The following YLPM1 variants were observed in gnomAD, a reference collection of about 807,000 sequenced individuals.
YLPM1 encodes YLP motif-containing protein 1.
A neutral mutation model predicts 230.0 loss-of-function variants in YLPM1; 99 were observed. That is an observed-to-expected ratio of 0.43 (90% CI 0.37 to 0.51). YLPM1 has a LOEUF of 0.51. YLPM1 is among the 20% of genes least tolerant of loss of function. The pLI, the probability that YLPM1 is intolerant of heterozygous loss-of-function variation, is 0.00. For synonymous variants in YLPM1, 984 were observed against 942.5 expected (o/e 1.04, Z -0.81); for missense variants, 2,592 against 2,707.7 (o/e 0.96, Z 0.95).
intron 6 of YLPM1, among the ~76,000 whole-genome samples, chr14:74,804,101 G>T (rs2091354553): frequency 6.6e-6 from 1 of 152,186 alleles, no homozygotes; most frequent in African/African-American, 2.4e-5. Flanking sequence ...AGGTTGCGGT[G>T]AGCCGACATC....
At position 74,799,402 on chromosome 14, in the gene YLPM1, G is replaced by C; in HGVS notation, c.4105G>C (p.Gly1369Arg). 6.2e-7 allele frequency: 1 copy of C among 1,614,026 alleles called. No individual in the cohort carries two copies. Among genetic ancestry groups the C allele is most frequent in the Non-Finnish European group, 8.5e-7 (1 of 1,179,902 alleles). The change falls in exon 5 of 21, where the codon GGT (glycine) becomes CGT (arginine). Residue 1369 changes from glycine to arginine, a missense_variant. By Grantham distance (125) the Gly-to-Arg change is moderately radical. Coordinates refer to ENST00000325680, the MANE Select transcript of YLPM1 (RefSeq NM_019589.3). ...GTATGATCGAGATTTCCGTGATAGGGGTGAGTTGAGGATTCGAGAGTATCC... is the reference window on the plus strand; with the variant it reads ...GTATGATCGAGATTTCCGTGATAGGCGTGAGTTGAGGATTCGAGAGTATCC... ...HGYDRDFRDR[G>R]ELRIREYPER...
intron 11 of YLPM1, among the ~76,000 whole-genome samples, chr14:74,815,922 A>AT (rs200669278): frequency 1.4e-3 from 216 of 149,312 alleles, no homozygotes; most frequent in South Asian, 3.6e-3. Flanking sequence ...GTTCCTCTTC[A>AT]TTTTTTCTTT....
At chr14:74,797,513 T>C in intron 4 of YLPM1, 67 bp from the exon 5 acceptor site, 1 of 1,339,680 alleles carries the variant, frequency 7.5e-7, no homozygotes, top group South Asian at 1.8e-5. Flanking sequence ...GCCTTAAATA[T>C]TCTTACATGG....
chr14:74,829,252 G>T lies in YLPM1; in HGVS notation c.6203G>T (p.Arg2068Leu), dbSNP rs375328224. The change falls in exon 19 of 21, where the codon CGT becomes CTT. Residue 2068 changes from arginine (R) to leucine (L), a missense_variant. Transcript: ENST00000325680. Reference protein sequence around the residue: ...DGLRTGTKRKRDWEAIASRME... With the variant: ...DGLRTGTKRKLDWEAIASRME... ...TTGAGGACTGGTACTAAAAGGAAAC[G>T]TGACTGGGAGGCCATTGCCAGCAGA... 1.2e-6 allele frequency: 2 copies of T among 1,613,100 alleles called. No homozygotes were observed. Among genetic ancestry groups the T allele is most frequent in the Admixed American group, 1.7e-5 (1 of 59,948 alleles).
chr14:74,786,424 C>G (rs1257348751), intron 4 of YLPM1, among the ~76,000 whole-genome samples: 1 of 147,068 alleles, frequency 6.8e-6, no homozygotes, highest in Non-Finnish European at 1.5e-5. Flanking sequence ...ATAGGAATTA[C>G]TGGTGCCCAA....
chr14:74,816,099 G>A (rs2091475619), intron 11 of YLPM1, 104 bp from the exon 12 acceptor site: 5 of 1,016,946 alleles, frequency 4.9e-6, no homozygotes, highest in East Asian at 5.2e-5. Flanking sequence ...ATGGCCTGTT[G>A]TATAGTCTAT....
chr14:74,800,392 G>T (rs1445437454), intron 5 of YLPM1, among the ~76,000 whole-genome samples: 1 of 152,066 alleles, frequency 6.6e-6, no homozygotes, highest in East Asian at 1.9e-4. Context: ...AACATTTATT[G>T]CATGCTTACT....
chr14:74,773,253 G>A (rs972997412), intron 1 of YLPM1, among the ~76,000 whole-genome samples: 3 of 151,658 alleles, frequency 2.0e-5, no homozygotes, highest in Non-Finnish European at 4.4e-5. Flanking sequence ...GCGCCACTGC[G>A]CTCCAGCCTG....
In YLPM1 at chr14:74,798,253, G is replaced by A; in HGVS notation, c.2956G>A (p.Gly986Ser). The A allele has an allele frequency of 1.2e-6, 2 of 1,613,916 alleles. No individual in the cohort carries two copies. The highest frequency in any genetic ancestry group is 8.5e-7 in the Non-Finnish European group (1 of 1,179,890). The change falls in exon 5 of 21, where the codon GGT becomes AGT. Residue 986 changes from glycine to serine, a missense_variant. Around this residue, in one of 4 missense-constraint regions of YLPM1, gnomAD observed 1,862 missense variants for 1,819.8 expected, o/e 1.02. Transcript: ENST00000325680. ...LTADNDFKPV[G>S]IGLPHSENNQ... ...AGCAGATAATGATTTTAAACCTGTG[G>A]GTATTGGTCTACCCCATTCAGAAAA...
intron 4 of YLPM1, among the ~76,000 whole-genome samples, chr14:74,789,555 G>A (rs2091185037): frequency 6.6e-6 from 1 of 150,628 alleles, no homozygotes; most frequent in Non-Finnish European, 1.5e-5. Context: ...GTAAATATTT[G>A]TAGGCCTTGT....
Position 74,780,382 on chromosome 14 carries a change from G to T in YLPM1, c.1111-23G>T, listed in dbSNP as rs780258099. On this transcript the variant is annotated intron_variant, in intron 2 of 20. Coordinates refer to ENST00000325680, the MANE Select transcript of YLPM1 (RefSeq NM_019589.3). ...CTTGCTGTTTTATGACTTACATAAA[G>T]ATGTGTCCTCTTTTATCTTTAGTCT... 6 of 1,591,512 alleles carry T rather than the reference G, an allele frequency of 3.8e-6. No homozygotes were observed. In the African/African-American group the frequency reaches 6.8e-5, roughly 18 times the overall value.
In YLPM1 at chr14:74,774,749, G is replaced by T. The variant is rs187274003; in HGVS notation, c.874-3698G>T. Among the ~76,000 whole-genome samples the T allele has an allele frequency of 1.3e-4, 19 of 151,184 alleles. No homozygotes were observed. In the East Asian group the frequency reaches 3.5e-3, roughly 28 times the overall value. ...TGTAGAGACGGGGTTTCACCATGTT[G>T]GCCAGGCTGGTCTTGAACTCCTGAC... On this transcript the variant is annotated intron_variant, in intron 1 of 20. Coordinates refer to ENST00000325680, the MANE Select transcript of YLPM1 (RefSeq NM_019589.3).
intron 1 of YLPM1, among the ~76,000 whole-genome samples, chr14:74,769,142 C>T (rs1258492682): frequency 6.6e-6 from 1 of 151,076 alleles, no homozygotes; most frequent in African/African-American, 2.4e-5. Context: ...GTGGCGCGAT[C>T]TCGGCTCACT....
intron 9 of YLPM1, among the ~76,000 whole-genome samples, chr14:74,810,625 A>G (rs574184727): frequency 6.6e-6 from 1 of 152,256 alleles, no homozygotes; most frequent in East Asian, 1.9e-4. Flanking sequence ...TGGGAGATGG[A>G]GATAGCCAGA....
At chr14:74,804,272 C>T (rs374907578) in intron 6 of YLPM1, among the ~76,000 whole-genome samples, 9 of 152,312 alleles carry the variant, frequency 5.9e-5, no homozygotes, top group African/African-American at 2.2e-4. Flanking sequence ...GATTTGTGGC[C>T]AGATGGACAT....
rs2090868391 is a variant in YLPM1 at position 74,763,362 on chromosome 14, C to T, written c.-128C>T. On this transcript the variant is annotated 5_prime_UTR_variant, in exon 1 of 21. Coordinates refer to ENST00000325680, the MANE Select transcript of YLPM1 (RefSeq NM_019589.3). ...TCGGGAGCGCCGGCGCACTGGCGCGCTCCGTTTACACGCTCCGGGGCCTGT... is the reference window on the plus strand; with the variant it reads ...TCGGGAGCGCCGGCGCACTGGCGCGTTCCGTTTACACGCTCCGGGGCCTGT... 3 of 1,192,016 alleles carry T rather than the reference C, an allele frequency of 2.5e-6. No homozygotes were observed. The highest frequency in any genetic ancestry group is 3.3e-6 in the Non-Finnish European group (3 of 920,628). The allele number at this position is 1,192,016 out of a possible 1,614,324, so 73.8% of individuals were successfully genotyped here. A position where few individuals can be genotyped will look rare whatever the true frequency, so the allele number is the denominator to read the frequency against.
intron 4 of YLPM1, among the ~76,000 whole-genome samples, chr14:74,792,831 G>A (rs1204702785): frequency 6.6e-6 from 1 of 152,098 alleles, no homozygotes; most frequent in African/African-American, 2.4e-5. Context: ...ATGGCTTCCT[G>A]TTACCATTCA....
chr14:74,830,202 G>A (rs143605430), intron 19 of YLPM1, among the ~76,000 whole-genome samples: 96 of 152,286 alleles, frequency 6.3e-4, no homozygotes, highest in African/African-American at 2.3e-3. Flanking sequence ...CAGTGATGAG[G>A]CAGCAGAAAC....
At position 74,811,634 on chromosome 14, in the gene YLPM1, G is replaced by A. The variant is rs1437349238; in HGVS notation, c.5243G>A (p.Arg1748Gln). ...ACACCTTCTAGAGCTCAGTCATATC[G>A]AGACAAAAAAGACCATTCCTCATCC... The part of the protein sequence containing the change: ...RPRDDRAQSY[R>Q]DKKDHSSSRR... The change falls in exon 10 of 21, where the codon CGA (arginine) becomes CAA (glutamine). Residue 1748 changes from arginine to glutamine, a missense_variant. Arg to Gln is a conservative substitution (Grantham distance 43). Transcript: ENST00000325680. The A allele has an allele frequency of 4.3e-6, 7 of 1,609,260 alleles. No homozygotes were observed. The highest frequency in any genetic ancestry group is 5.9e-6 in the Non-Finnish European group (7 of 1,178,650).
Sources: allele counts gnomAD v4.1 joint callset (sites outside exome capture counted in the v4.1 genomes callset), GRCh38; gene constraint gnomAD v4.1.1; regional missense constraint gnomAD v4.1.1; transcripts MANE v1.5; gene names NCBI Gene and HGNC (gene_info 2026-07-23, HGNC 2026-07-21).